SLC4A8: variants seen among roughly 807,000 people sequenced by gnomAD.
SLC4A8 encodes electroneutral sodium bicarbonate exchanger 1.
Under a neutral mutation model 125.0 loss-of-function variants are expected in SLC4A8, and 40 were observed. That is an observed-to-expected ratio of 0.32 (90% CI 0.25 to 0.42). The LOEUF is 0.42. Ranked by LOEUF, SLC4A8 falls within the 10% of genes least tolerant of loss-of-function variation. The probability of loss-of-function intolerance (pLI) is 1.00; values close to 1 mark genes in which losing one functional copy is unlikely to be tolerated. For synonymous variants in SLC4A8, 456 were observed against 476.0 expected (o/e 0.96, Z 0.55); for missense variants, 863 against 1,355.1 (o/e 0.64, Z 5.70).
chr12:51,428,248 A>G (rs537322737), intron 1 of SLC4A8, among the ~76,000 whole-genome samples: 2 of 152,314 alleles, frequency 1.3e-5, no homozygotes, highest in South Asian at 4.1e-4. Flanking sequence ...TTCTTATAAC[A>G]TATGACTTAC....
At chr12:51,463,946 C>G (rs1950433310) in intron 11 of SLC4A8, among the ~76,000 whole-genome samples, 1 of 152,174 alleles carries the variant, frequency 6.6e-6, no homozygotes, top group African/African-American at 2.4e-5. Flanking sequence ...TCCAGTCCTT[C>G]CTACCATTGT....
intron 3 of SLC4A8, among the ~76,000 whole-genome samples, chr12:51,451,390 T>C (rs1440589132): frequency 6.6e-6 from 1 of 152,176 alleles, no homozygotes; most frequent in African/African-American, 2.4e-5. Flanking sequence ...ATTGCAGGCG[T>C]GAGCCACCGC....
At chr12:51,428,736 T>TA (rs1349624212) in intron 1 of SLC4A8, among the ~76,000 whole-genome samples, 14 of 152,212 alleles carry the variant, frequency 9.2e-5, no homozygotes, top group African/African-American at 2.4e-5. Flanking sequence ...CATTTGCTGT[T>TA]ACTGTTAACT....
At position 51,493,564 on chromosome 12, in the gene SLC4A8, A is replaced by G. The variant is rs2138413152; in HGVS notation, c.2701-140A>G. 7.9e-6 allele frequency: 5 copies of G among 632,542 alleles called. No homozygotes were observed. In the South Asian group the frequency reaches 1.1e-4, roughly 14 times the overall value. The allele number at this position is 632,542 out of a possible 1,614,324, so 39.2% of individuals were successfully genotyped here. A position where few individuals can be genotyped will look rare whatever the true frequency, so the allele number is the denominator to read the frequency against. On this transcript the variant is annotated intron_variant, in intron 19 of 24. Coordinates refer to ENST00000453097, the MANE Select transcript of SLC4A8 (RefSeq NM_001039960.3). ...TTGCTTCTACTCCTAAGTCACCCACAGGCAGCAGAAACTAATGCAATGTGT... is the reference window on the plus strand; with the variant it reads ...TTGCTTCTACTCCTAAGTCACCCACGGGCAGCAGAAACTAATGCAATGTGT...
intron 11 of SLC4A8, among the ~76,000 whole-genome samples, chr12:51,463,952 A>T (rs2138259794): frequency 6.6e-6 from 1 of 152,144 alleles, no homozygotes; most frequent in South Asian, 2.1e-4. Flanking sequence ...CCTTCCTACC[A>T]TTGTTCCCTC....
At chr12:51,463,317 T>G (rs1406676045) in intron 10 of SLC4A8, among the ~76,000 whole-genome samples, 1 of 152,140 alleles carries the variant, frequency 6.6e-6, no homozygotes, top group Non-Finnish European at 1.5e-5. Context: ...AACTGGAACT[T>G]AGGTCATATC....
intron 1 of SLC4A8, among the ~76,000 whole-genome samples, chr12:51,397,106 T>A (rs1236590676): frequency 6.6e-6 from 1 of 152,016 alleles, no homozygotes; most frequent in East Asian, 1.9e-4. Flanking sequence ...ATTTTTGTAT[T>A]TTTAGTAGAG....
chr12:51,412,692 G>C (rs936392734), intron 1 of SLC4A8, among the ~76,000 whole-genome samples: 2 of 152,108 alleles, frequency 1.3e-5, no homozygotes, highest in Non-Finnish European at 2.9e-5. Context: ...TTGTCTTTCT[G>C]TACCTGGCTT....
chr12:51,482,175 A>G (rs1951048422), intron 16 of SLC4A8, among the ~76,000 whole-genome samples: 1 of 152,206 alleles, frequency 6.6e-6, no homozygotes, highest in Admixed American at 6.5e-5. Flanking sequence ...CTGTACACAT[A>G]AAATATATAC....
At chr12:51,486,063 T>C (rs554739185) in intron 17 of SLC4A8, among the ~76,000 whole-genome samples, 163 bp downstream of exon 17, 22 of 152,298 alleles carry the variant, frequency 1.4e-4, no homozygotes, top group African/African-American at 5.1e-4. Flanking sequence ...AACTTCAGAC[T>C]TGGTTGAATT....
chr12:51,415,740 T>G (rs185776215), intron 1 of SLC4A8, among the ~76,000 whole-genome samples: 4 of 150,758 alleles, frequency 2.7e-5, no homozygotes, highest in Non-Finnish European at 4.4e-5. Flanking sequence ...ATATGGAAAT[T>G]ACAGACACTG....
intron 13 of SLC4A8, among the ~76,000 whole-genome samples, 168 bp from the exon 14 acceptor site, chr12:51,471,119 T>A (rs891546646): frequency 1.3e-5 from 2 of 152,184 alleles, no homozygotes; most frequent in Non-Finnish European, 2.9e-5. Context: ...GAGGCAAATC[T>A]GTATCATAAC....
chr12:51,483,940 C>T (rs1323202542), intron 16 of SLC4A8, among the ~76,000 whole-genome samples: 1 of 152,098 alleles, frequency 6.6e-6, no homozygotes, highest in Non-Finnish European at 1.5e-5. Context: ...ATCCTGTGTC[C>T]AAGTGTTCTC....
chr12:51,410,660 A>G (rs1948575219), intron 1 of SLC4A8, among the ~76,000 whole-genome samples: 2 of 152,006 alleles, frequency 1.3e-5, no homozygotes, highest in Non-Finnish European at 2.9e-5. Context: ...GGGTTTCACC[A>G]TGTTGGCCAG....
At chr12:51,425,193 G>A in intron 1 of SLC4A8, 158 bp downstream of exon 1, 1 of 1,421,836 alleles carries the variant, frequency 7.0e-7, no homozygotes, top group Non-Finnish European at 9.2e-7. Flanking sequence ...CGCTCCGGGC[G>A]GTTGGGGACC....
Position 51,507,501 on chromosome 12 carries a change from G to C in SLC4A8, c.*63G>C. On this transcript the variant is annotated 3_prime_UTR_variant, in exon 25 of 25. Transcript: ENST00000453097. ...GCCTCAGGGAAGTTCTGGTTACAGA[G>C]AAAATGGCGAGTCTCTCAGAGAAGA... 1.6e-6 allele frequency: 2 copies of C among 1,216,520 alleles called. No individual in the cohort carries two copies. Among genetic ancestry groups the C allele is most frequent in the South Asian group, 5.5e-5 (2 of 36,180 alleles). The allele number at this position is 1,216,520 out of a possible 1,614,324, so 75.4% of individuals were successfully genotyped here. A position where few individuals can be genotyped will look rare whatever the true frequency, so the allele number is the denominator to read the frequency against.
rs1194685162 is a variant in SLC4A8, at chr12:51,511,683, CT to C, written c.*4246del. The stretch of plus-strand genomic sequence containing the variant: ...GGATTACAGGTATGAGCCACTGCCC[CT>C]GGCCTCAAAATCTTTAAGGAAGTTA... On this transcript the variant is annotated 3_prime_UTR_variant, in exon 25 of 25. Transcript: ENST00000453097. 2 of 152,288 alleles carry C rather than the reference CT, an allele frequency of 1.3e-5. No individual in the cohort carries two copies. The highest frequency in any genetic ancestry group is 1.9e-4 in the East Asian group (1 of 5,200). The allele number at this position is 152,288 out of a possible 1,614,324, so 9.4% of individuals were successfully genotyped here. A position where few individuals can be genotyped will look rare whatever the true frequency, so the allele number is the denominator to read the frequency against.
At position 51,474,130 on chromosome 12, in the gene SLC4A8, A is replaced by C. The variant is rs559408131; in HGVS notation, c.1905-212A>C. 5.9e-5 allele frequency among the ~76,000 whole-genome samples: 9 copies of C among 152,268 alleles called. No individual in the cohort carries two copies. In the South Asian group the frequency reaches 1.9e-3, roughly 32 times the overall value. On this transcript the variant is annotated intron_variant, in intron 14 of 24. Coordinates refer to ENST00000453097, the MANE Select transcript of SLC4A8 (RefSeq NM_001039960.3). ...GGTTATCAGCACAGTTTAATCCAAGACCCATGGGCTGATTTGAGTCAAACT... is the reference window on the plus strand; with the variant it reads ...GGTTATCAGCACAGTTTAATCCAAGCCCCATGGGCTGATTTGAGTCAAACT...
chr12:51,471,013 G>A (rs901844734), intron 13 of SLC4A8, among the ~76,000 whole-genome samples: 14 of 151,654 alleles, frequency 9.2e-5, no homozygotes, highest in African/African-American at 3.2e-4. Flanking sequence ...TTTCTTAACT[G>A]CAAGAATAAG....
Sources: allele counts gnomAD v4.1 joint callset (sites outside exome capture counted in the v4.1 genomes callset), GRCh38; gene constraint gnomAD v4.1.1; transcripts MANE v1.5; gene names NCBI Gene and HGNC (gene_info 2026-07-23, HGNC 2026-07-21).